Variants in ADCK1 observed in about 807,000 individuals in gnomAD.
ADCK1 encodes the protein aarF domain-containing protein kinase 1.
Under a neutral mutation model 52.3 loss-of-function variants are expected in ADCK1, and 41 were observed. That is an observed-to-expected ratio of 0.78 (90% CI 0.61 to 1.02). The LOEUF (loss-of-function observed/expected upper bound fraction) is 1.02. Ranked by LOEUF, ADCK1 falls within the 50% of genes least tolerant of loss-of-function variation. The pLI, the probability that ADCK1 is intolerant of heterozygous loss-of-function variation, is 0.00. For missense variants in ADCK1, 658 were observed against 679.5 expected, an observed-to-expected ratio of 0.97 and a Z score of 0.35; for synonymous variants, 250 against 274.6, an observed-to-expected ratio of 0.91 and a Z score of 0.89.
At chr14:77,895,802 G>A (rs2083396875) in intron 5 of ADCK1, among the ~76,000 whole-genome samples, 1 of 152,112 alleles carries the variant, frequency 6.6e-6, no homozygotes. Context: ...AGGGGTTGGT[G>A]AACCCCTTGA....
chr14:77,810,712 T>C (rs952649821), intron 1 of ADCK1, among the ~76,000 whole-genome samples: 7 of 151,976 alleles, frequency 4.6e-5, no homozygotes, highest in African/African-American at 1.7e-4. Context: ...TTTGTATTTT[T>C]AGTAGAGACG....
chr14:77,852,669 A>ATATAT (rs1555351625), intron 3 of ADCK1, among the ~76,000 whole-genome samples: 3 of 9,408 alleles, frequency 3.2e-4, no homozygotes, highest in African/African-American at 6.5e-4. Flanking sequence ...AAATATATAT[A>ATATAT]TATATATATA....
intron 6 of ADCK1, among the ~76,000 whole-genome samples, chr14:77,907,007 T>G (rs2083681071): frequency 6.6e-6 from 1 of 152,104 alleles, no homozygotes; most frequent in Non-Finnish European, 1.5e-5. Flanking sequence ...CACAGCACAC[T>G]GGCTTTGACA....
chr14:77,906,006 G>A (rs2083657452), intron 6 of ADCK1, among the ~76,000 whole-genome samples: 1 of 152,148 alleles, frequency 6.6e-6, no homozygotes, highest in South Asian at 2.1e-4. Flanking sequence ...GCTTTCTGGT[G>A]GAAACTTTGT....
intron 3 of ADCK1, among the ~76,000 whole-genome samples, chr14:77,852,660 A>AATAAATAT (rs1372819667): frequency 1.6e-4 from 5 of 31,732 alleles, no homozygotes; most frequent in African/African-American, 4.6e-4. Flanking sequence ...TAAATAAATA[A>AATAAATAT]ATATATATAT....
chr14:77,803,708 C>T (rs1340173458), intron 1 of ADCK1, among the ~76,000 whole-genome samples: 2 of 152,156 alleles, frequency 1.3e-5, no homozygotes, highest in African/African-American at 4.8e-5. Flanking sequence ...CTTGTGACAT[C>T]CTGTTGATTT....
In ADCK1 at chr14:77,899,146, T is replaced by C; in HGVS notation, c.629T>C (p.Met210Thr). The C allele has an allele frequency of 6.2e-7, 1 of 1,614,210 alleles. No homozygotes were observed. The highest frequency in any genetic ancestry group is 8.5e-7 in the Non-Finnish European group (1 of 1,180,042). ...VKQLFPEFEF[M>T]WLVDEAKKNL... The stretch of plus-strand genomic sequence containing the variant: ...CAGCTGTTCCCAGAGTTTGAGTTTA[T>C]GTGGCTTGTGGATGAAGCCAAGAAG... Residue 210 changes from methionine (M) to threonine (T), a missense_variant, in exon 6 of 11, where the codon ATG becomes ACG. Physicochemically the swap from Met to Thr is moderately conservative, Grantham distance 81. Transcript: ENST00000238561.
chr14:77,886,868 C>T (rs1209136917), intron 4 of ADCK1, among the ~76,000 whole-genome samples: 1 of 151,978 alleles, frequency 6.6e-6, no homozygotes, highest in African/African-American at 2.4e-5. Context: ...GATCATGCCA[C>T]TGCACTCCAG....
intron 3 of ADCK1, among the ~76,000 whole-genome samples, chr14:77,831,377 T>C (rs1213003984): frequency 6.6e-6 from 1 of 152,168 alleles, no homozygotes; most frequent in East Asian, 1.9e-4. Context: ...AACATAGGGA[T>C]AGAATGTTCT....
At chr14:77,821,381 G>C (rs535749142) in intron 2 of ADCK1, among the ~76,000 whole-genome samples, 3 of 152,224 alleles carry the variant, frequency 2.0e-5, no homozygotes, top group African/African-American at 7.2e-5. Context: ...AGCATATGTC[G>C]AATAGGATAA....
intron 7 of ADCK1, among the ~76,000 whole-genome samples, chr14:77,911,732 CT>C (rs572112070): frequency 0.074 from 10,253 of 138,822 alleles, 359 homozygotes; most frequent in Non-Finnish European, 0.091. Context: ...CCCCAGCTTT[CT>C]TTTTTTTTTT....
At chr14:77,919,002 G>A (rs78209252) in intron 7 of ADCK1, among the ~76,000 whole-genome samples, 2,924 of 152,270 alleles carry the variant, frequency 0.019, 86 homozygotes, top group African/African-American at 0.067. Context: ...ATAAACACCT[G>A]CTTCCTCAAA....
At chr14:77,876,129 T>C (rs1397130121) in intron 4 of ADCK1, among the ~76,000 whole-genome samples, 2 of 152,236 alleles carry the variant, frequency 1.3e-5, no homozygotes, top group African/African-American at 4.8e-5. Flanking sequence ...ATTTATTATC[T>C]TATCCTGCAG....
At chr14:77,818,337 G>C (rs1055227791) in intron 1 of ADCK1, among the ~76,000 whole-genome samples, 2 of 151,816 alleles carry the variant, frequency 1.3e-5, no homozygotes, top group Non-Finnish European at 2.9e-5. Context: ...GCTGGAGTGT[G>C]GTGGCACGAT....
intron 7 of ADCK1, among the ~76,000 whole-genome samples, chr14:77,916,665 G>T (rs1274373807): frequency 6.6e-6 from 1 of 152,152 alleles, no homozygotes; most frequent in African/African-American, 2.4e-5. Context: ...GCCCAGGCTG[G>T]TCTCAAACTC....
At chr14:77,824,066 T>G (rs1473257066) in intron 3 of ADCK1, among the ~76,000 whole-genome samples, 1 of 151,882 alleles carries the variant, frequency 6.6e-6, no homozygotes. Context: ...GCCTGGCTAA[T>G]TTTTGTGTTT....
intron 3 of ADCK1, among the ~76,000 whole-genome samples, chr14:77,834,820 C>T (rs1396076146): frequency 6.6e-6 from 1 of 152,180 alleles, no homozygotes; most frequent in African/African-American, 2.4e-5. Context: ...GGCACAACAC[C>T]CAGCTCCACA....
At chr14:77,901,810 T>C (rs1252819302) in intron 6 of ADCK1, among the ~76,000 whole-genome samples, 1 of 152,198 alleles carries the variant, frequency 6.6e-6, no homozygotes, top group Non-Finnish European at 1.5e-5. Context: ...GTATGCCTAT[T>C]AAAACAGGGT....
chr14:77,850,031 C>G (rs1319329324), intron 3 of ADCK1, among the ~76,000 whole-genome samples: 1 of 151,846 alleles, frequency 6.6e-6, no homozygotes, highest in Non-Finnish European at 1.5e-5. Flanking sequence ...ATAGTGAGAC[C>G]CTGACTCAAC....
Sources: gnomAD v4.1 joint callset for allele counts (sites outside exome capture counted in the v4.1 genomes callset) on GRCh38, gnomAD v4.1.1 for gene constraint, MANE v1.5 for transcripts, NCBI Gene and HGNC (gene_info 2026-07-23, HGNC 2026-07-21) for gene names.